TMIGD3: variants seen among roughly 807,000 people sequenced by gnomAD.
TMIGD3 encodes the protein AD026 protein (AD026).
TMIGD3 carries 21 observed loss-of-function variants against 28.1 expected under a neutral mutation model. The ratio of observed to expected loss-of-function variants is 0.75; its 90% CI spans 0.53 to 1.08. The LOEUF is 1.08. Ranked by LOEUF, TMIGD3 falls within the 50% of genes least tolerant of loss-of-function variation. TMIGD3 has a pLI of 0.00. For synonymous variants in TMIGD3, 151 were observed against 162.1 expected (o/e 0.93, Z 0.52); for missense variants, 416 against 435.6 (o/e 0.96, Z 0.40).
chr1:111,509,448 C>T (rs1655619570), intron 1 of TMIGD3, among the ~76,000 whole-genome samples: 1 of 152,162 alleles, frequency 6.6e-6, no homozygotes, highest in Non-Finnish European at 1.5e-5. Context: ...GGTAGGGCCT[C>T]ATCCCTTGAT....
At chr1:111,511,872 A>T (rs1010668791) in intron 1 of TMIGD3, among the ~76,000 whole-genome samples, 9 of 152,146 alleles carry the variant, frequency 5.9e-5, no homozygotes, top group Non-Finnish European at 1.0e-4. Flanking sequence ...AGTCTGACAC[A>T]TTACTCCTGA....
At chr1:111,506,382 T>C (rs969491912), upstream of TMIGD3, among the ~76,000 whole-genome samples, 2 of 152,240 alleles carry the variant, frequency 1.3e-5, no homozygotes, top group African/African-American at 4.8e-5. Flanking sequence ...TCATACCAAC[T>C]ACTCAGTGTT....
rs1016986407 is a variant in TMIGD3 at position 111,532,181 on chromosome 1, C to T, written c.107+31665G>A. 1.0e-4 allele frequency among the ~76,000 whole-genome samples: 9 copies of T among 86,878 alleles called. No individual in the cohort carries two copies. In the South Asian group the frequency reaches 1.9e-3, roughly 18 times the overall value. The allele number at this position is 86,878 out of a possible 152,430, so 57.0% of individuals were successfully genotyped here. A position where few individuals can be genotyped will look rare whatever the true frequency, so the allele number is the denominator to read the frequency against. On this transcript the variant is annotated intron_variant, in intron 1 of 5. Transcript: ENST00000369717. ...CCAGCACTCACTCAGCTGAAGGCTT[C>T]GGGGAGACCCTCTTCAAATCTCCAA... is the stretch of plus-strand genomic sequence containing the variant.
At chr1:111,510,426 TA>T (rs75919000) in intron 1 of TMIGD3, among the ~76,000 whole-genome samples, 13,046 of 152,256 alleles carry the variant, frequency 0.086, 647 homozygotes, top group East Asian at 0.21. Flanking sequence ...TAAAGTTTCA[TA>T]GGATAAATTT....
upstream of TMIGD3, chr1:111,505,107 A>T: frequency 5.1e-5 from 15 of 292,042 alleles, no homozygotes; most frequent in East Asian, 1.8e-4. Context: ...AGAAATTTCT[A>T]GGAGGCAGCA....
intron 1 of TMIGD3, among the ~76,000 whole-genome samples, chr1:111,555,746 T>G (rs1657462601): frequency 6.6e-6 from 1 of 152,100 alleles, no homozygotes; most frequent in Non-Finnish European, 1.5e-5. Flanking sequence ...CCTTATACCA[T>G]ATACAAAAAA....
At chr1:111,495,133 A>G (rs913513540) in intron 1 of TMIGD3, among the ~76,000 whole-genome samples, 1 of 152,244 alleles carries the variant, frequency 6.6e-6, no homozygotes, top group Non-Finnish European at 1.5e-5. Flanking sequence ...ACAAAAGCAA[A>G]AATTGACAAA....
At chr1:111,486,851 C>T (rs561174423) in intron 3 of TMIGD3, among the ~76,000 whole-genome samples, 199 bp from the exon 4 acceptor site, 90 of 152,280 alleles carry the variant, frequency 5.9e-4, no homozygotes, top group Non-Finnish European at 1.0e-3. Context: ...AAGCAGGGGC[C>T]GACATTTAGC....
At chr1:111,513,381 G>A (rs770973478) in intron 1 of TMIGD3, among the ~76,000 whole-genome samples, 2 of 152,176 alleles carry the variant, frequency 1.3e-5, no homozygotes, top group African/African-American at 2.4e-5. Flanking sequence ...GGCACATGAG[G>A]CCAGTAATTT....
At chr1:111,528,152 A>G (rs781093365) in intron 1 of TMIGD3, among the ~76,000 whole-genome samples, 1 of 152,112 alleles carries the variant, frequency 6.6e-6, no homozygotes, top group Non-Finnish European at 1.5e-5. Flanking sequence ...GTTTAAGTTT[A>G]TAATCCGTTT....
intron 1 of TMIGD3, among the ~76,000 whole-genome samples, chr1:111,498,783 G>C (rs535034792): frequency 2.0e-4 from 30 of 152,302 alleles, no homozygotes; most frequent in African/African-American, 7.2e-4. Flanking sequence ...AAAGTACTTA[G>C]TGTATATAGA....
At chr1:111,535,317 A>G (rs1656602175) in intron 1 of TMIGD3, among the ~76,000 whole-genome samples, 1 of 152,254 alleles carries the variant, frequency 6.6e-6, no homozygotes, top group Admixed American at 6.5e-5. Flanking sequence ...CAGAAAAAAT[A>G]TCACACAGAC....
intron 1 of TMIGD3, among the ~76,000 whole-genome samples, chr1:111,560,592 A>C (rs75018342): frequency 0.19 from 28,799 of 150,654 alleles, 4,853 homozygotes; most frequent in East Asian, 0.49. Context: ...GGGCTCAAGC[A>C]CTCTTCCTGC....
At chr1:111,537,355 T>C (rs144277894) in intron 1 of TMIGD3, among the ~76,000 whole-genome samples, 337 of 152,324 alleles carry the variant, frequency 2.2e-3, no homozygotes, top group African/African-American at 7.6e-3. Flanking sequence ...TCAATAAATA[T>C]CTTGTGTTGG....
At chr1:111,487,481 AAAC>A (rs151203029) in intron 3 of TMIGD3, among the ~76,000 whole-genome samples, 22,842 of 151,888 alleles carry the variant, frequency 0.15, 2,208 homozygotes, top group Non-Finnish European at 0.2. Context: ...CTAGAAATGG[AAAC>A]AACAAGAAGG....
chr1:111,489,707 C>A, intron 2 of TMIGD3: 1 of 1,064,002 alleles, frequency 9.4e-7, no homozygotes. Context: ...CCTACCTTAG[C>A]ACCCTCAGAA....
At chr1:111,494,037 T>C (rs1452048497) in intron 1 of TMIGD3, among the ~76,000 whole-genome samples, 2 of 152,176 alleles carry the variant, frequency 1.3e-5, no homozygotes, top group Admixed American at 1.3e-4. Flanking sequence ...ACACCATACA[T>C]GAAAATAGAA....
chr1:111,533,211 C>T (rs1656512965), intron 1 of TMIGD3, among the ~76,000 whole-genome samples: 1 of 152,162 alleles, frequency 6.6e-6, no homozygotes, highest in South Asian at 2.1e-4. Context: ...TTCCCCTCCA[C>T]TGACACTTCA....
chr1:111,529,763 T>C (rs1219408778), intron 1 of TMIGD3, among the ~76,000 whole-genome samples: 1 of 151,680 alleles, frequency 6.6e-6, no homozygotes, highest in Non-Finnish European at 1.5e-5. Context: ...CTCCCATGTC[T>C]ACCTCTTTCT....
Sources: gnomAD v4.1 joint callset for allele counts (sites outside exome capture counted in the v4.1 genomes callset) on GRCh38, gnomAD v4.1.1 for gene constraint, MANE v1.5 for transcripts, NCBI Gene and HGNC (gene_info 2026-07-23, HGNC 2026-07-21) for gene names.